IL13RA1: variants seen among roughly 807,000 people sequenced by gnomAD.
IL13RA1 encodes interleukin-13 receptor subunit alpha-1.
IL13RA1 carries 14 observed loss-of-function variants against 33.8 expected under a neutral mutation model. The ratio of observed to expected loss-of-function variants is 0.41; its 90% confidence interval spans 0.27 to 0.65. The LOEUF (loss-of-function observed/expected upper bound fraction) is 0.65. Among genes scored for constraint, IL13RA1 ranks in the 30% least tolerant of loss-of-function variants. The pLI is 0.28. For missense variants in IL13RA1, 313 were observed against 327.0 expected (o/e 0.96, Z 0.33); for synonymous variants, 116 against 115.7 (o/e 1.00, Z -0.02).
intron 5 of IL13RA1, 55 bp downstream of exon 5, chrX:118,758,297 T>C: frequency 9.9e-6 from 5 of 504,549 alleles, no homozygotes; most frequent in Non-Finnish European, 1.6e-5. Context: ...TTATATCTTT[T>C]GCACAATCAA....
intron 1 of IL13RA1, among the ~76,000 whole-genome samples, chrX:118,731,577 C>CAAA (rs371387309): frequency 5.6e-5 from 3 of 53,678 alleles, no homozygotes; most frequent in African/African-American, 1.6e-4. Context: ...ACTCCGTCTC[C>CAAA]AAAAAAAAAA....
intron 5 of IL13RA1, among the ~76,000 whole-genome samples, chrX:118,760,690 G>A (rs1231272174): frequency 8.9e-6 from 1 of 111,858 alleles, no homozygotes; most frequent in African/African-American, 3.2e-5. Context: ...ATCATGAAAG[G>A]CCACTAAATG....
intron 10 of IL13RA1, among the ~76,000 whole-genome samples, chrX:118,789,510 AT>A (rs1283135986): frequency 9.0e-6 from 1 of 111,505 alleles, no homozygotes; most frequent in Non-Finnish European, 1.9e-5. Flanking sequence ...TCCCAAGTTT[AT>A]TGGCTTGAAT....
At chrX:118,785,785 G>T (rs1052957811) in intron 10 of IL13RA1, among the ~76,000 whole-genome samples, 3 of 110,825 alleles carry the variant, frequency 2.7e-5, no homozygotes, top group African/African-American at 9.9e-5. Flanking sequence ...GGCCAGGCTG[G>T]TCTCGAACCC....
intron 4 of IL13RA1, 114 bp downstream of exon 4, chrX:118,749,892 A>G: frequency 2.1e-6 from 1 of 479,561 alleles, no homozygotes; most frequent in South Asian, 4.4e-5. Flanking sequence ...AAACTCAACA[A>G]GATGGACAGT....
At chrX:118,770,354 A>G in intron 8 of IL13RA1, 1 of 366,918 alleles carries the variant, frequency 2.7e-6, no homozygotes, top group South Asian at 2.5e-5. Context: ...GCGCTACCGC[A>G]CTGCACCTGC....
intron 10 of IL13RA1, among the ~76,000 whole-genome samples, chrX:118,780,171 G>T: frequency 8.9e-6 from 1 of 111,836 alleles, no homozygotes; most frequent in African/African-American, 3.3e-5. Context: ...TTAACCAAAT[G>T]AAAAAAATCT....
Position 118,761,406 on chromosome X carries a change from A to G in IL13RA1, c.828+117A>G, listed in dbSNP as rs2017589266. 7.7e-6 allele frequency: 3 copies of G among 387,253 alleles called. No homozygotes were observed. The Admixed American group carries it at 1.5e-4, about 19-fold the overall frequency. The allele number at this position is 387,253 out of a possible 1,213,427, so 31.9% of individuals were successfully genotyped here. On this transcript the variant is annotated intron_variant, in intron 6 of 10. Coordinates refer to ENST00000371666, the MANE Select transcript of IL13RA1 (RefSeq NM_001560.3). Reference sequence around the variant, plus strand: ...TTGTCACCTTATGATGATGATGGTAATGAAACTTCTTGTCTAAAATAAGGC... The same window carrying G: ...TTGTCACCTTATGATGATGATGGTAGTGAAACTTCTTGTCTAAAATAAGGC...
downstream of IL13RA1, among the ~76,000 whole-genome samples, chrX:118,798,571 C>A (rs2018044945): frequency 8.9e-6 from 1 of 111,997 alleles, no homozygotes; most frequent in African/African-American, 3.2e-5. Flanking sequence ...GTTCTCTAGG[C>A]CGAGCACCTA....
chrX:118,745,403 T>C (rs1464681684), intron 2 of IL13RA1, among the ~76,000 whole-genome samples: 1 of 82,467 alleles, frequency 1.2e-5, no homozygotes, highest in African/African-American at 3.7e-5. Flanking sequence ...GTCAGGATTT[T>C]GCTCACAGAC....
intron 8 of IL13RA1, 107 bp downstream of exon 8, chrX:118,767,083 G>A: frequency 2.5e-6 from 1 of 402,845 alleles, no homozygotes; most frequent in East Asian, 4.3e-5. Context: ...CTTGATGTCA[G>A]GAAAAGAGTA....
chrX:118,795,633 G>A (rs753086206), downstream of IL13RA1, among the ~76,000 whole-genome samples: 5 of 112,286 alleles, frequency 4.5e-5, no homozygotes, highest in East Asian at 5.6e-4. Flanking sequence ...CCTTGAGGTC[G>A]TAAATTTGTG....
At chrX:118,729,796 G>C (rs546626151) in intron 1 of IL13RA1, among the ~76,000 whole-genome samples, 2 of 112,041 alleles carry the variant, frequency 1.8e-5, no homozygotes, top group African/African-American at 6.5e-5. Context: ...GTGCGACCAA[G>C]ACCCTTGCCC....
At chrX:118,763,231 T>C (rs2017608611) in intron 6 of IL13RA1, among the ~76,000 whole-genome samples, 1 of 112,558 alleles carries the variant, frequency 8.9e-6, no homozygotes, top group South Asian at 3.6e-4. Context: ...TAGGAAGGAG[T>C]TTGGTGCTGT....
At chrX:118,785,454 A>T (rs1191218153) in intron 10 of IL13RA1, among the ~76,000 whole-genome samples, 1 of 111,786 alleles carries the variant, frequency 8.9e-6, no homozygotes, top group African/African-American at 3.3e-5. Flanking sequence ...CATTTTTGTT[A>T]AAAAATCCTA....
chrX:118,800,899 ACCTCAG>A, the IL13RA1 span, among the ~76,000 whole-genome samples: 29 of 111,263 alleles, frequency 2.6e-4, no homozygotes, highest in Non-Finnish European at 4.7e-4. Flanking sequence ...CGGTTCTCCT[ACCTCAG>A]CCTTCCGAGT....
chrX:118,773,902 T>G lies in IL13RA1; in HGVS notation c.1033T>G (p.Tyr345Asp). The G allele has an allele frequency of 3.8e-6, 4 of 1,053,094 alleles. No homozygotes were observed. Among genetic ancestry groups the G allele is most frequent in the Non-Finnish European group, 5.3e-6 (4 of 751,253 alleles). The allele number at this position is 1,053,094 out of a possible 1,213,427, so 86.8% of individuals were successfully genotyped here. The change falls in exon 9 of 11, where the codon TAC (tyrosine) becomes GAC (aspartate). Residue 345 changes from tyrosine to aspartate, a missense_variant. Coordinates refer to ENST00000371666, the MANE Select transcript of IL13RA1 (RefSeq NM_001560.3). ...SIGKKRNSTLYITMLLIVPVI... is the reference protein window; with the variant it reads ...SIGKKRNSTLDITMLLIVPVI... Reference sequence around the variant, plus strand: ...AGGTAAGAAGCGCAATTCCACACTCTACATAACCATGTTACTCATTGTTCC... The same window carrying G: ...AGGTAAGAAGCGCAATTCCACACTCGACATAACCATGTTACTCATTGTTCC...
At chrX:118,772,096 A>G (rs2017728770) in intron 8 of IL13RA1, among the ~76,000 whole-genome samples, 1 of 113,062 alleles carries the variant, frequency 8.8e-6, no homozygotes, top group Non-Finnish European at 1.9e-5. Flanking sequence ...AAACTTTACC[A>G]GATACTGTGT....
intron 1 of IL13RA1, among the ~76,000 whole-genome samples, chrX:118,739,766 C>G (rs2017322042): frequency 1.8e-5 from 2 of 111,041 alleles, no homozygotes; most frequent in Admixed American, 9.7e-5. Flanking sequence ...AGCTCTAGCT[C>G]CAGCTGTTTA....
Sources: allele counts gnomAD v4.1 joint callset (sites outside exome capture counted in the v4.1 genomes callset), GRCh38; gene constraint gnomAD v4.1.1; transcripts MANE v1.5; gene names NCBI Gene and HGNC (gene_info 2026-07-23, HGNC 2026-07-21).